TPM3: variants seen among roughly 807,000 people sequenced by gnomAD.
The protein encoded by TPM3 is tropomyosin 3.
A neutral mutation model predicts 43.1 loss-of-function variants in TPM3; 16 were observed. The observed-to-expected ratio is 0.37, with a 90% CI of 0.25 to 0.56. The LOEUF (loss-of-function observed/expected upper bound fraction) is 0.56, where lower values mean the gene tolerates loss of function less well. TPM3 is among the 20% of genes least tolerant of loss of function. The probability of loss-of-function intolerance (pLI) is 0.77; values close to 1 mark genes in which losing one functional copy is unlikely to be tolerated. For missense variants in TPM3, 176 were observed against 337.2 expected, an observed-to-expected ratio of 0.52 and a Z score of 3.74; for synonymous variants, 101 against 116.9, an observed-to-expected ratio of 0.86 and a Z score of 0.88.
intron 2 of TPM3, among the ~76,000 whole-genome samples, chr1:154,180,314 AGTTTCCC>A (rs1028816438): frequency 2.0e-5 from 3 of 152,130 alleles, no homozygotes; most frequent in African/African-American, 7.2e-5. Context: ...CAGAGAGTGC[AGTTTCCC>A]GCTCCAGAGG....
rs1029531186 is a variant in TPM3 at position 154,183,547 on chromosome 1, G to A, written c.244-7299C>T. ...CCTCACTCCCGCAATGCCGATACCCGTCACCCCTCACTGTATTTGCTCCAC... is the reference window on the plus strand; with the variant it reads ...CCTCACTCCCGCAATGCCGATACCCATCACCCCTCACTGTATTTGCTCCAC... On this transcript the variant is annotated intron_variant, in intron 2 of 9. Coordinates refer to ENST00000651641, the MANE Select transcript of TPM3 (RefSeq NM_152263.4). The A allele has an allele frequency of 8.6e-6, 3 of 350,798 alleles. No homozygotes were observed. The East Asian group carries it at 1.8e-4, about 21-fold the overall frequency. The allele number at this position is 350,798 out of a possible 1,614,324, so 21.7% of individuals were successfully genotyped here.
intron 4 of TPM3, 33 bp downstream of exon 4, chr1:154,173,051 C>T (rs150823943): frequency 1.4e-5 from 22 of 1,613,696 alleles, no homozygotes; most frequent in African/African-American, 1.1e-4. Flanking sequence ...TGTAAAAGGC[C>T]GATACGAGAG....
downstream of TPM3, chr1:154,155,861 A>C (rs1659747377): frequency 1.4e-5 from 3 of 212,250 alleles, no homozygotes; most frequent in African/African-American, 7.1e-5. Flanking sequence ...TGTTCTTTCT[A>C]ATCTTCATGT....
chr1:154,178,355 A>G (rs1169341054), intron 2 of TPM3: 5 of 183,998 alleles, frequency 2.7e-5, no homozygotes, highest in Admixed American at 6.5e-5. Context: ...CCCTCCTAAG[A>G]GCATGCACAC....
At chr1:154,171,658 T>C (rs1661590414) in intron 5 of TPM3, 170 bp from the exon 6 acceptor site, 4 of 757,116 alleles carry the variant, frequency 5.3e-6, no homozygotes, top group South Asian at 4.6e-5. Flanking sequence ...CTCCTCCCTC[T>C]ACCATAGAAC....
intron 2 of TPM3, among the ~76,000 whole-genome samples, chr1:154,180,779 G>A (rs958415923): frequency 2.0e-5 from 3 of 151,916 alleles, no homozygotes; most frequent in African/African-American, 7.3e-5. Context: ...AAAAAAAATC[G>A]CCGAGTGTGG....
rs1661029534 is a variant in TPM3 at position 154,166,775 on chromosome 1, A to G, written c.*1162T>C. Reference sequence around the variant, plus strand: ...CCGCTCACTGCAACCTCCGCCTCCCAGGTGCAAGCGATTCTCCTGCCTCAG... The same window carrying G: ...CCGCTCACTGCAACCTCCGCCTCCCGGGTGCAAGCGATTCTCCTGCCTCAG... On this transcript the variant is annotated 3_prime_UTR_variant, in exon 10 of 10. Transcript: ENST00000651641. 1.2e-6 allele frequency: 1 copy of G among 808,856 alleles called. No homozygotes were observed. Among genetic ancestry groups the G allele is most frequent in the Non-Finnish European group, 1.5e-6 (1 of 670,634 alleles). 50.1% of individuals were successfully genotyped at this position (808,856 alleles called of 1,614,324 possible). A position where few individuals can be genotyped will look rare whatever the true frequency, so the allele number is the denominator to read the frequency against.
intron 5 of TPM3, chr1:154,172,573 A>G (rs1422355035): frequency 8.8e-6 from 4 of 453,484 alleles, no homozygotes; most frequent in African/African-American, 2.0e-5. Flanking sequence ...CTAGATCTTA[A>G]ATCAGGATAG....
intron 2 of TPM3, chr1:154,187,303 T>C: frequency 1.0e-6 from 1 of 984,376 alleles, no homozygotes; most frequent in Non-Finnish European, 1.2e-6. Context: ...TGTTGCAAGA[T>C]TTAACCCACA....
chr1:154,159,997 T>C (rs1398890545), downstream of TPM3, among the ~76,000 whole-genome samples: 1 of 150,920 alleles, frequency 6.6e-6, no homozygotes, highest in African/African-American at 2.4e-5. Flanking sequence ...TTTCCTTTTT[T>C]TTTTTTTTTT....
intron 8 of TPM3, 38 bp from the exon 9 acceptor site, chr1:154,169,421 A>T (rs576803818): frequency 6.2e-7 from 1 of 1,606,480 alleles, no homozygotes; most frequent in African/African-American, 1.3e-5. Flanking sequence ...GAATGAGGGG[A>T]CAGAGTGAAG....
At chr1:154,183,433 G>C (rs897847908) in intron 2 of TPM3, among the ~76,000 whole-genome samples, 15 of 152,084 alleles carry the variant, frequency 9.9e-5, no homozygotes, top group Admixed American at 8.5e-4. Flanking sequence ...GCGGCGCTTC[G>C]TGCCCTAGCC....
rs1048532707 is a variant in TPM3 at position 154,163,925 on chromosome 1, G to C, written c.*4012C>G. On this transcript the variant is annotated 3_prime_UTR_variant, in exon 10 of 10. Transcript: ENST00000651641. ...TGGGATTACAGGCGTGAGCCACCGT[G>C]CCTGGCCTCTTTTTTTTGTATTTGC... Among the ~76,000 whole-genome samples, 1 of 151,908 alleles carries C rather than the reference G, an allele frequency of 6.6e-6. No homozygotes were observed. The highest frequency in any genetic ancestry group is 1.5e-5 in the Non-Finnish European group (1 of 67,980).
At chr1:154,175,496 C>A (rs1278353924) in intron 3 of TPM3, among the ~76,000 whole-genome samples, 1 of 152,082 alleles carries the variant, frequency 6.6e-6, no homozygotes, top group Non-Finnish European at 1.5e-5. Context: ...AATAATGCAA[C>A]CAGCGTTGAG....
rs1398102697 is a variant in TPM3, at chr1:154,162,591, T to G, written c.*5346A>C. On this transcript the variant is annotated 3_prime_UTR_variant, in exon 10 of 10. Coordinates refer to ENST00000651641, the MANE Select transcript of TPM3 (RefSeq NM_152263.4). ...ATGATGGTAACAAGGAAGGGCAAAATGGGCCTGTGGTTCTTAGAAATTAAG... is the reference window on the plus strand; with the variant it reads ...ATGATGGTAACAAGGAAGGGCAAAAGGGGCCTGTGGTTCTTAGAAATTAAG... Among the ~76,000 whole-genome samples, 1 of 152,010 alleles carries G rather than the reference T, an allele frequency of 6.6e-6. No homozygotes were observed. Among genetic ancestry groups the G allele is most frequent in the African/African-American group, 2.4e-5 (1 of 41,378 alleles).
intron 2 of TPM3, among the ~76,000 whole-genome samples, chr1:154,184,446 G>C (rs1663304109): frequency 6.6e-6 from 1 of 152,180 alleles, no homozygotes; most frequent in African/African-American, 2.4e-5. Flanking sequence ...GTAAGTCTAG[G>C]ATTTTGGGAG....
chr1:154,181,767 A>G (rs557703002), intron 2 of TPM3, among the ~76,000 whole-genome samples: 4 of 152,208 alleles, frequency 2.6e-5, no homozygotes, highest in Admixed American at 6.5e-5. Context: ...CAAAAATACA[A>G]AAAATTAGCC....
At chr1:154,174,407 T>TATATATATATACATACACACAC (rs1261318136) in intron 3 of TPM3, among the ~76,000 whole-genome samples, 1 of 72,678 alleles carries the variant, frequency 1.4e-5, no homozygotes, top group Admixed American at 1.9e-4. Context: ...TATATATATA[T>TATATATATATACATACACACAC]ACACACAAAA....
rs1421858820 is a variant in TPM3 at position 154,163,297 on chromosome 1, C to A, written c.*4640G>T. Among the ~76,000 whole-genome samples the A allele has an allele frequency of 6.6e-6, 1 of 152,218 alleles. No homozygotes were observed. The highest frequency in any genetic ancestry group is 1.5e-5 in the Non-Finnish European group (1 of 68,044). On this transcript the variant is annotated 3_prime_UTR_variant, in exon 10 of 10. Transcript: ENST00000651641. ...CACTAGCCATGTTTTGAGTGCTTGA[C>A]TGCCACATGTGGCTAATGTACTAGA...
Sources: allele counts gnomAD v4.1 joint callset (sites outside exome capture counted in the v4.1 genomes callset), GRCh38; gene constraint gnomAD v4.1.1; transcripts MANE v1.5; gene names NCBI Gene and HGNC (gene_info 2026-07-23, HGNC 2026-07-21).